PCDHGA3: variants seen among roughly 807,000 people sequenced by gnomAD.
The protein encoded by PCDHGA3 is protocadherin gamma subfamily A, 3.
A neutral mutation model predicts 58.5 loss-of-function variants in PCDHGA3; 40 were observed. The ratio of observed to expected loss-of-function variants is 0.68; its 90% CI spans 0.53 to 0.89. PCDHGA3 has a LOEUF of 0.89. Among genes scored for constraint, PCDHGA3 ranks in the 40% least tolerant of loss-of-function variants. The probability of loss-of-function intolerance (pLI) is 0.00; values close to 1 mark genes in which losing one functional copy is unlikely to be tolerated. For synonymous variants in PCDHGA3, 530 were observed against 525.7 expected, an observed-to-expected ratio of 1.01 and a Z score of -0.11; for missense variants, 1,223 against 1,195.9, an observed-to-expected ratio of 1.02 and a Z score of -0.33.
Position 141,419,080 on chromosome 5 carries a change from T to G in PCDHGA3, c.2424+72623T>G, listed in dbSNP as rs1286490083. The G allele has an allele frequency of 3.1e-6, 5 of 1,613,842 alleles. No individual in the cohort carries two copies. The South Asian group carries it at 5.5e-5, about 18-fold the overall frequency. On this transcript the variant is annotated intron_variant, in intron 1 of 3. Transcript: ENST00000253812. ...ATAATTACTACAAGCTAGTAACAGA[T>G]GAGGCCCTGGATCGGGAGCAGACCC... is the stretch of plus-strand genomic sequence containing the variant.
chr5:141,351,538 A>G, intron 1 of PCDHGA3: 1 of 1,614,006 alleles, frequency 6.2e-7, no homozygotes, highest in Non-Finnish European at 8.5e-7. Flanking sequence ...AGGGCAAACC[A>G]GCCCTTTCCT....
At position 141,490,840 on chromosome 5, in the gene PCDHGA3, G is replaced by C. The variant is rs1177428192; in HGVS notation, c.2425-3967G>C. On this transcript the variant is annotated intron_variant, in intron 1 of 3. Transcript: ENST00000253812. This position sits in a 1 kb window ranked among gnomAD's most constrained non-coding sequence, Gnocchi z 5.4. Reference sequence around the variant, plus strand: ...ATTGCTGCAGATGCTGCAGATTGTGGTGGGGGTTCGAGACTCCGGCTCTCC... The same window carrying C: ...ATTGCTGCAGATGCTGCAGATTGTGCTGGGGGTTCGAGACTCCGGCTCTCC... 2 of 1,613,900 alleles carry C rather than the reference G, an allele frequency of 1.2e-6. No homozygotes were observed. Among genetic ancestry groups the C allele is most frequent in the Middle Eastern group, 3.3e-4 (2 of 6,058 alleles).
At chr5:141,376,069 G>T (rs897737501) in intron 1 of PCDHGA3, 13 of 1,613,452 alleles carry the variant, frequency 8.1e-6, no homozygotes, top group Non-Finnish European at 1.0e-5. Flanking sequence ...CGCTCACCGT[G>T]GCCGTGGCCG....
chr5:141,478,307 G>T, intron 1 of PCDHGA3: 3 of 1,614,056 alleles, frequency 1.9e-6, no homozygotes, highest in Non-Finnish European at 2.5e-6. Context: ...CCGAGCCCCG[G>T]TGAGCTCACT....
chr5:141,400,314 C>G (rs764415393), intron 1 of PCDHGA3: 1 of 1,614,078 alleles, frequency 6.2e-7, no homozygotes, highest in Non-Finnish European at 8.5e-7. Flanking sequence ...GTCTCTGTGT[C>G]AAGTCTGGAC....
intron 1 of PCDHGA3, chr5:141,393,595 T>C: frequency 6.2e-7 from 1 of 1,613,866 alleles, no homozygotes; most frequent in Non-Finnish European, 8.5e-7. Context: ...GGCACGCGGC[T>C]GCTTACTGTA....
At chr5:141,368,303 C>G (rs981191656) in intron 1 of PCDHGA3, among the ~76,000 whole-genome samples, 4 of 152,066 alleles carry the variant, frequency 2.6e-5, no homozygotes, top group African/African-American at 9.7e-5. Context: ...TTTTTAAACA[C>G]TGTTAAAGAG....
Position 141,485,187 on chromosome 5 carries a change from T to A in PCDHGA3, c.2425-9620T>A, listed in dbSNP as rs1325714839. ...CGGGCGGCAGCAATGCTCCGCAAGG[T>A]GAGAAGCTGGACAGAAATCTGGCGG... On this transcript the variant is annotated intron_variant, in intron 1 of 3. Transcript: ENST00000253812. This position sits in a 1 kb window ranked among gnomAD's most constrained non-coding sequence, Gnocchi z 5.7. 1 of 1,613,502 alleles carries A rather than the reference T, an allele frequency of 6.2e-7. No individual in the cohort carries two copies. The highest frequency in any genetic ancestry group is 1.7e-5 in the Admixed American group (1 of 60,018).
rs555713417 is a variant in PCDHGA3, at chr5:141,357,809, T to C, written c.2424+11352T>C. ...ATTTACCACACAAAAATGTTGTTTATTACTTATCCTTTTTGGTCTTCATTC... is the reference window on the plus strand; with the variant it reads ...ATTTACCACACAAAAATGTTGTTTACTACTTATCCTTTTTGGTCTTCATTC... On this transcript the variant is annotated intron_variant, in intron 1 of 3. Coordinates refer to ENST00000253812, the MANE Select transcript of PCDHGA3 (RefSeq NM_018916.4). 4.0e-5 allele frequency: 30 copies of C among 756,534 alleles called. No individual in the cohort carries two copies. In the East Asian group the frequency reaches 6.6e-4, roughly 17 times the overall value. 46.9% of individuals were successfully genotyped at this position (756,534 alleles called of 1,614,324 possible).
At chr5:141,360,296 T>C (rs1304247078) in intron 1 of PCDHGA3, 1 of 1,613,922 alleles carries the variant, frequency 6.2e-7, no homozygotes, top group African/African-American at 1.3e-5. Context: ...GCCAAGGATC[T>C]GGGGCTCAGC....
At chr5:141,382,104 A>G (rs1777948509) in intron 1 of PCDHGA3, among the ~76,000 whole-genome samples, 1 of 152,108 alleles carries the variant, frequency 6.6e-6, no homozygotes, top group Non-Finnish European at 1.5e-5. Context: ...GTGGGATTAC[A>G]GGCGTGAGCA....
chr5:141,352,181 G>T (rs759155262), intron 1 of PCDHGA3: 1 of 1,613,744 alleles, frequency 6.2e-7, no homozygotes, highest in South Asian at 1.1e-5. Flanking sequence ...CCTGCTGGTC[G>T]CTGTGCGTGA....
At chr5:141,372,420 A>G (rs765908055) in intron 1 of PCDHGA3, 1 of 1,614,042 alleles carries the variant, frequency 6.2e-7, no homozygotes, top group Admixed American at 1.7e-5. Context: ...ACCTGACCTT[A>G]GCGACCGCCC....
At chr5:141,472,980 C>CAAAAAA (rs60579131) in intron 1 of PCDHGA3, among the ~76,000 whole-genome samples, 7 of 86,100 alleles carry the variant, frequency 8.1e-5, no homozygotes, top group South Asian at 4.3e-4. Context: ...GAGTGAAACT[C>CAAAAAA]AAAAAAAAAA....
intron 1 of PCDHGA3, among the ~76,000 whole-genome samples, chr5:141,444,497 C>G (rs899746599): frequency 3.3e-5 from 5 of 152,026 alleles, no homozygotes; most frequent in African/African-American, 1.2e-4. Context: ...TTGTGTAATA[C>G]TTTGCTCTAG....
At chr5:141,443,166 C>G (rs914863821) in intron 1 of PCDHGA3, among the ~76,000 whole-genome samples, 1 of 152,124 alleles carries the variant, frequency 6.6e-6, no homozygotes, top group African/African-American at 2.4e-5. Flanking sequence ...ATTTCCCTAC[C>G]CATGTCCACT....
chr5:141,423,273 G>C, intron 1 of PCDHGA3: 2 of 1,613,896 alleles, frequency 1.2e-6, no homozygotes, highest in Non-Finnish European at 1.7e-6. Flanking sequence ...TCGAGTCTCT[G>C]GCTAACTCTG....
chr5:141,366,145 C>A, intron 1 of PCDHGA3: 2 of 1,614,192 alleles, frequency 1.2e-6, no homozygotes, highest in Non-Finnish European at 1.7e-6. Context: ...CCTGGCTGTC[C>A]TACCGCCTGC....
chr5:141,404,499 C>T lies in PCDHGA3; in HGVS notation c.2424+58042C>T, dbSNP rs147632103. ...AACTCAGACACTGGTGTGCTGTATG[C>T]TCTGTGCTCCTTTGACTATGAGCAG... On this transcript the variant is annotated intron_variant, in intron 1 of 3. Coordinates refer to ENST00000253812, the MANE Select transcript of PCDHGA3 (RefSeq NM_018916.4). 1.0e-4 allele frequency: 163 copies of T among 1,613,840 alleles called. 1 individual carries two copies. The East Asian group carries it at 3.6e-3, about 36-fold the overall frequency.
Sources: allele counts gnomAD v4.1 joint callset (sites outside exome capture counted in the v4.1 genomes callset), GRCh38; gene constraint gnomAD v4.1.1; non-coding constraint Gnocchi (gnomAD v3.1); transcripts MANE v1.5; gene names NCBI Gene and HGNC (gene_info 2026-07-23, HGNC 2026-07-21).